The following LIMD1 variants were observed in gnomAD, a reference collection of about 807,000 sequenced individuals.
LIMD1 encodes the protein LIM domain containing 1.
LIMD1 carries 23 observed loss-of-function variants against 58.4 expected under a neutral mutation model. That is an observed-to-expected ratio of 0.39 (90% confidence interval 0.28 to 0.56). The LOEUF (loss-of-function observed/expected upper bound fraction) is 0.56, where lower values mean the gene tolerates loss of function less well. LIMD1 is among the 20% of genes least tolerant of loss of function. The pLI is 0.57. For missense variants in LIMD1, 838 were observed against 855.5 expected (o/e 0.98, Z 0.25); for synonymous variants, 334 against 345.5 (o/e 0.97, Z 0.37).
chr3:45,621,810 A>G (rs1701630401), intron 1 of LIMD1, among the ~76,000 whole-genome samples: 1 of 152,156 alleles, frequency 6.6e-6, no homozygotes, highest in Admixed American at 6.5e-5. Context: ...CACACCTGTC[A>G]TCCCAGCACT....
intron 2 of LIMD1, among the ~76,000 whole-genome samples, chr3:45,643,702 A>G (rs541336287): frequency 3.3e-5 from 5 of 152,238 alleles, no homozygotes; most frequent in Non-Finnish European, 7.3e-5. Context: ...CCAGAAGCCC[A>G]TGGAGCAGGG....
chr3:45,608,302 T>C (rs1701487486), intron 1 of LIMD1, among the ~76,000 whole-genome samples: 1 of 152,186 alleles, frequency 6.6e-6, no homozygotes, highest in South Asian at 2.1e-4. Context: ...TTCAGGGTTG[T>C]TGGCTGGGAG....
intron 2 of LIMD1, among the ~76,000 whole-genome samples, chr3:45,641,993 G>A (rs527313932): frequency 3.3e-5 from 5 of 152,254 alleles, no homozygotes; most frequent in South Asian, 2.1e-4. Flanking sequence ...AGAGACAGCC[G>A]TGCATCTTTT....
chr3:45,667,575 G>C (rs1211824041), intron 3 of LIMD1, among the ~76,000 whole-genome samples: 2 of 149,730 alleles, frequency 1.3e-5, no homozygotes, highest in African/African-American at 4.9e-5. Context: ...TTTGAAGAGA[G>C]CACCTCATGT....
chr3:45,598,769 G>A (rs1463328975), intron 1 of LIMD1, among the ~76,000 whole-genome samples: 2 of 152,186 alleles, frequency 1.3e-5, no homozygotes. Flanking sequence ...ATGCATTTGA[G>A]CAAAGGCAGG....
intron 2 of LIMD1, among the ~76,000 whole-genome samples, chr3:45,662,671 T>C (rs188829144): frequency 3.2e-4 from 49 of 152,250 alleles, no homozygotes; most frequent in African/African-American, 1.1e-3. Context: ...TATATACTAT[T>C]GTCAATAAAA....
chr3:45,657,330 G>A (rs1176379479), intron 2 of LIMD1, among the ~76,000 whole-genome samples: 7 of 152,140 alleles, frequency 4.6e-5, no homozygotes, highest in Non-Finnish European at 1.0e-4. Flanking sequence ...CATGAGGCAA[G>A]TAAAAGGCCC....
chr3:45,621,966 G>A (rs576446012), intron 1 of LIMD1, among the ~76,000 whole-genome samples: 1 of 151,984 alleles, frequency 6.6e-6, no homozygotes, highest in East Asian at 1.9e-4. Flanking sequence ...GGGAGGCTGA[G>A]GCAGGAGAAT....
chr3:45,657,710 A>T (rs887694989), intron 2 of LIMD1, among the ~76,000 whole-genome samples: 1 of 152,166 alleles, frequency 6.6e-6, no homozygotes, highest in Non-Finnish European at 1.5e-5. Context: ...CATCCTGCCC[A>T]CTTACTACCT....
rs1252650355 is a variant in LIMD1, at chr3:45,674,333, C to G, written c.1825-10C>G. 5 of 1,613,256 alleles carry G rather than the reference C, an allele frequency of 3.1e-6. No homozygotes were observed. The highest frequency in any genetic ancestry group is 2.2e-5 in the East Asian group (1 of 44,858). Reference sequence around the variant, plus strand: ...CTCTCCTATGTGTTCTTGCTTTTCTCTGGTCCCAGGGCTCAGATGAGACCA... The same window carrying G: ...CTCTCCTATGTGTTCTTGCTTTTCTGTGGTCCCAGGGCTCAGATGAGACCA... On this transcript the variant is annotated splice_polypyrimidine_tract_variant and intron_variant, in intron 6 of 7. Coordinates refer to ENST00000273317, the MANE Select transcript of LIMD1 (RefSeq NM_014240.3).
In LIMD1 at chr3:45,636,220, C is replaced by G. The variant is rs149909565; in HGVS notation, c.1479C>G (p.Tyr493Ter). ...GQACQAMGNLYHDTCFTCAAC... is the reference protein window; with the variant it reads ...GQACQAMGNL ...CCTGTCAGGCCATGGGGAACCTCTA[C>G]CATGACACATGCTTCACCTGTGCAG... is the stretch of plus-strand genomic sequence containing the variant. Residue 493 changes from tyrosine to a stop codon, truncating the protein, a stop_gained, in exon 2 of 8, where the codon TAC (tyrosine) becomes TAG (stop). Coordinates refer to ENST00000273317, the MANE Select transcript of LIMD1 (RefSeq NM_014240.3). LOFTEE classifies it high-confidence loss of function. The G allele has an allele frequency of 6.2e-7, 1 of 1,612,870 alleles. No individual in the cohort carries two copies. Among genetic ancestry groups the G allele is most frequent in the Admixed American group, 1.7e-5 (1 of 59,796 alleles).
rs573443851 is a variant in LIMD1, at chr3:45,660,162, A to C, written c.1511-5488A>C. 2.0e-5 allele frequency among the ~76,000 whole-genome samples: 3 copies of C among 152,304 alleles called. No individual in the cohort carries two copies. In the South Asian group the frequency reaches 6.2e-4, roughly 32 times the overall value. ...CTGTGTTCTCCATACATTGGATCAG[A>C]AGCCTAAGCTCTGGAAGTCCTGCGC... is the stretch of plus-strand genomic sequence containing the variant. On this transcript the variant is annotated intron_variant, in intron 2 of 7. Coordinates refer to ENST00000273317, the MANE Select transcript of LIMD1 (RefSeq NM_014240.3).
At chr3:45,654,365 T>C (rs1305638353) in intron 2 of LIMD1, among the ~76,000 whole-genome samples, 1 of 152,232 alleles carries the variant, frequency 6.6e-6, no homozygotes, top group Non-Finnish European at 1.5e-5. Context: ...TATTTCTATT[T>C]TATAGGGAAG....
At chr3:45,674,716 C>G (rs111726671) in intron 7 of LIMD1, 9,026 of 269,990 alleles carry the variant, frequency 0.033, 214 homozygotes, top group African/African-American at 0.066. Context: ...GTCCTATCTG[C>G]GGGCCACATT....
intron 4 of LIMD1, among the ~76,000 whole-genome samples, chr3:45,672,046 G>A (rs1257128426): frequency 6.6e-6 from 1 of 152,150 alleles, no homozygotes; most frequent in African/African-American, 2.4e-5. Flanking sequence ...AGAAGTTTGT[G>A]GGGCTTTCCC....
intron 1 of LIMD1, among the ~76,000 whole-genome samples, chr3:45,601,523 C>T (rs183215602): frequency 2.6e-5 from 4 of 152,342 alleles, no homozygotes; most frequent in African/African-American, 9.6e-5. Context: ...GTGCCCCCTT[C>T]CTGGGGGCAG....
At chr3:45,631,049 T>C (rs1291356573) in intron 1 of LIMD1, among the ~76,000 whole-genome samples, 2 of 151,856 alleles carry the variant, frequency 1.3e-5, no homozygotes, top group African/African-American at 4.8e-5. Flanking sequence ...ACTAAAAATA[T>C]AAAAATTAGT....
At chr3:45,625,515 C>T (rs1457897722) in intron 1 of LIMD1, among the ~76,000 whole-genome samples, 4 of 152,102 alleles carry the variant, frequency 2.6e-5, no homozygotes, top group African/African-American at 7.2e-5. Context: ...AGGCACTCAG[C>T]ATTTCTTGTT....
At chr3:45,662,977 C>T (rs1317543532) in intron 2 of LIMD1, among the ~76,000 whole-genome samples, 2 of 151,164 alleles carry the variant, frequency 1.3e-5, no homozygotes, top group African/African-American at 4.9e-5. Flanking sequence ...CAGCGAGACT[C>T]CGTCTCAAAA....
Sources: gnomAD v4.1 joint callset for allele counts (sites outside exome capture counted in the v4.1 genomes callset) on GRCh38, gnomAD v4.1.1 for gene constraint, MANE v1.5 for transcripts, NCBI Gene and HGNC (gene_info 2026-07-23, HGNC 2026-07-21) for gene names.